The following WDFY4 variants were observed in gnomAD, a reference collection of about 807,000 sequenced individuals.
The protein encoded by WDFY4 is WDFY family member 4, also known as WD repeat- and FYVE domain-containing protein 4.
WDFY4 carries 169 observed loss-of-function variants against 351.9 expected under a neutral mutation model. The observed-to-expected ratio is 0.48, with a 90% CI of 0.42 to 0.55. WDFY4 has a LOEUF of 0.55. Ranked by LOEUF, WDFY4 falls within the 20% of genes least tolerant of loss-of-function variation. The pLI is 0.00. For missense variants in WDFY4, 3,803 were observed against 3,935.6 expected, an observed-to-expected ratio of 0.97 and a Z score of 0.90; for synonymous variants, 1,622 against 1,574.6, an observed-to-expected ratio of 1.03 and a Z score of -0.71.
At position 48,974,917 on chromosome 10, in the gene WDFY4, G is replaced by A. The variant is rs1295846354; in HGVS notation, c.8984G>A (p.Ser2995Asn). The A allele has an allele frequency of 6.4e-6, 10 of 1,551,494 alleles. No individual in the cohort carries two copies. The East Asian group carries it at 2.2e-4, about 34-fold the overall frequency. ...VTCLAASVTF[S>N]LLVSGSQDCT... ...TGCCTGGCAGCGTCAGTCACCTTCA[G>A]CCTCCTGGTGAGCGGCTCCCAGGAC... The change falls in exon 58 of 62, where the codon AGC becomes AAC. Residue 2995 changes from serine (S) to asparagine (N), a missense_variant. By Grantham distance (46) the Ser-to-Asn change is conservative. Coordinates refer to ENST00000325239, the MANE Select transcript of WDFY4 (RefSeq NM_001394531.1).
chr10:48,796,583 G>T (rs147913175), intron 24 of WDFY4, 133 bp downstream of exon 24: 11 of 1,282,260 alleles, frequency 8.6e-6, no homozygotes, highest in Non-Finnish European at 1.2e-5. Flanking sequence ...AAAACCAAAC[G>T]AGCCTGCCCA....
At position 48,890,545 on chromosome 10, in the gene WDFY4, T is replaced by C. The variant is rs771313977; in HGVS notation, c.7168-34T>C. On this transcript the variant is annotated intron_variant, in intron 43 of 61. Transcript: ENST00000325239. ...CCAAGAATCATGGGCATGCTTCCTG[T>C]GCACCACCTGACTCTGCCACTCTCT... 6.1e-5 allele frequency: 95 copies of C among 1,551,258 alleles called. No homozygotes were observed. In the South Asian group the frequency reaches 1.1e-3, roughly 18 times the overall value.
At chr10:48,833,526 G>C (rs2068270911) in intron 39 of WDFY4, among the ~76,000 whole-genome samples, 1 of 152,142 alleles carries the variant, frequency 6.6e-6, no homozygotes, top group Admixed American at 6.5e-5. Context: ...CATCAAGATG[G>C]GGAAAAAATT....
At chr10:48,860,412 T>A (rs2069295135) in intron 39 of WDFY4, among the ~76,000 whole-genome samples, 1 of 152,196 alleles carries the variant, frequency 6.6e-6, no homozygotes, top group Non-Finnish European at 1.5e-5. Context: ...CCTGGCTTAC[T>A]GAAGGCTGCC....
intron 56 of WDFY4, among the ~76,000 whole-genome samples, chr10:48,969,462 C>T (rs991646900): frequency 1.3e-5 from 2 of 152,204 alleles, no homozygotes; most frequent in African/African-American, 4.8e-5. Context: ...TGCAAGTTGG[C>T]AGTGTATACT....
At chr10:48,742,174 G>A (rs897189337) in intron 11 of WDFY4, among the ~76,000 whole-genome samples, 6 of 152,148 alleles carry the variant, frequency 3.9e-5, no homozygotes, top group African/African-American at 1.4e-4. Flanking sequence ...ATAAAAGCTT[G>A]GCTGGCCAGT....
chr10:48,910,194 A>G (rs781018329), intron 47 of WDFY4: 17 of 894,076 alleles, frequency 1.9e-5, no homozygotes, highest in East Asian at 6.5e-5. Context: ...AGAGTCGTTT[A>G]TTCTGTTAGC....
intron 40 of WDFY4, 33 bp downstream of exon 40, chr10:48,867,375 G>A: frequency 7.3e-7 from 1 of 1,365,956 alleles, no homozygotes. Context: ...TCTCTATACA[G>A]CAAGCTGGAA....
chr10:48,697,365 C>G (rs1349984690), intron 1 of WDFY4, among the ~76,000 whole-genome samples: 1 of 152,194 alleles, frequency 6.6e-6, no homozygotes, highest in Non-Finnish European at 1.5e-5. Context: ...TCTTCCTGGC[C>G]CCTGGCCTCA....
intron 1 of WDFY4, among the ~76,000 whole-genome samples, chr10:48,704,010 C>T (rs549383538): frequency 1.5e-4 from 23 of 152,062 alleles, no homozygotes; most frequent in Non-Finnish European, 2.5e-4. Flanking sequence ...CCTGCAGGCT[C>T]GCCATCTGGT....
chr10:48,723,998 A>G lies in WDFY4; in HGVS notation c.591+431A>G, dbSNP rs969870956. Among the ~76,000 whole-genome samples the G allele has an allele frequency of 2.0e-5, 3 of 152,054 alleles. No homozygotes were observed. The South Asian group carries it at 6.2e-4, about 31-fold the overall frequency. ...TTCTCGGTGCCTCTTCCTTCCTCTCAGAAGACATCTCAGGCCTCTAAGCAT... is the reference window on the plus strand; with the variant it reads ...TTCTCGGTGCCTCTTCCTTCCTCTCGGAAGACATCTCAGGCCTCTAAGCAT... On this transcript the variant is annotated intron_variant, in intron 5 of 61. Transcript: ENST00000325239.
At chr10:48,927,935 C>T (rs191034152) in intron 47 of WDFY4, among the ~76,000 whole-genome samples, 5 of 152,290 alleles carry the variant, frequency 3.3e-5, no homozygotes, top group Non-Finnish European at 5.9e-5. Flanking sequence ...CTAGAAATGC[C>T]TTGTTCATCC....
intron 22 of WDFY4, 87 bp from the exon 23 acceptor site, chr10:48,790,640 C>A: frequency 7.0e-7 from 1 of 1,423,222 alleles, no homozygotes; most frequent in Non-Finnish European, 9.5e-7. Context: ...GCACTGGTAG[C>A]TCATTGGTCC....
intron 39 of WDFY4, among the ~76,000 whole-genome samples, chr10:48,866,370 A>T (rs755452349): frequency 6.6e-6 from 1 of 152,110 alleles, no homozygotes; most frequent in Non-Finnish European, 1.5e-5. Context: ...TTAAATCTAC[A>T]CTTATTTTTG....
chr10:48,735,360 A>G (rs774872559), intron 10 of WDFY4, among the ~76,000 whole-genome samples: 6 of 152,238 alleles, frequency 3.9e-5, no homozygotes, highest in Non-Finnish European at 8.8e-5. Flanking sequence ...TCTTAGCTTA[A>G]ATTGTGGTTT....
chr10:48,742,882 G>C (rs1565151219), intron 11 of WDFY4, 86 bp from the exon 12 acceptor site: 2 of 1,282,080 alleles, frequency 1.6e-6, no homozygotes, highest in East Asian at 2.5e-5. Context: ...GGAAGAGCTA[G>C]TGGGACGCTC....
chr10:48,828,232 C>T (rs948666589), intron 36 of WDFY4, among the ~76,000 whole-genome samples: 2 of 152,342 alleles, frequency 1.3e-5, no homozygotes, highest in East Asian at 3.9e-4. Context: ...TGTGTCCCCA[C>T]TTACAACTGG....
At chr10:48,786,082 T>G (rs1024364444) in intron 19 of WDFY4, among the ~76,000 whole-genome samples, 1 of 152,208 alleles carries the variant, frequency 6.6e-6, no homozygotes, top group African/African-American at 2.4e-5. Flanking sequence ...TACTAAGTAT[T>G]TCATTTTCTT....
rs977029050 is a variant in WDFY4, at chr10:48,897,533, G to T, written c.7396G>T (p.Ala2466Ser). The T allele has an allele frequency of 6.4e-7, 1 of 1,550,796 alleles. No individual in the cohort carries two copies. The highest frequency in any genetic ancestry group is 8.7e-7 in the Non-Finnish European group (1 of 1,147,020). ...TTACTCGTGCCAGTGCCACAGCTACGCTGACATGCGGGAGCTACGGCAGGC... is the reference window on the plus strand; with the variant it reads ...TTACTCGTGCCAGTGCCACAGCTACTCTGACATGCGGGAGCTACGGCAGGC... ...DHYSCQCHSY[A>S]DMRELRQARF... Residue 2466 changes from alanine (A) to serine (S), a missense_variant, in exon 45 of 62, where the codon GCT (alanine) becomes TCT (serine). Physicochemically the swap from Ala to Ser is moderately conservative, Grantham distance 99. This residue lies in a region of WDFY4 where 3,054 missense variants were observed against 3,148.6 expected (regional missense o/e 0.97). Coordinates refer to ENST00000325239, the MANE Select transcript of WDFY4 (RefSeq NM_001394531.1).
Sources: allele counts gnomAD v4.1 joint callset (sites outside exome capture counted in the v4.1 genomes callset), GRCh38; gene constraint gnomAD v4.1.1; regional missense constraint gnomAD v4.1.1; transcripts MANE v1.5; gene names NCBI Gene and HGNC (gene_info 2026-07-23, HGNC 2026-07-21).